WDR1: variants seen among roughly 807,000 people sequenced by gnomAD.
WDR1 encodes the protein WD repeat-containing protein 1.
A neutral mutation model predicts 71.9 loss-of-function variants in WDR1; 21 were observed. The ratio of observed to expected loss-of-function variants is 0.29; its 90% confidence interval spans 0.21 to 0.42. The LOEUF is 0.42. Ranked by LOEUF, WDR1 falls within the 10% of genes least tolerant of loss-of-function variation. The pLI is 1.00. For synonymous variants in WDR1, 424 were observed against 347.4 expected (o/e 1.22, Z -2.45); for missense variants, 696 against 824.5 (o/e 0.84, Z 1.91).
At chr4:10,093,370 T>C (rs752550786) in intron 5 of WDR1, among the ~76,000 whole-genome samples, 13 of 152,214 alleles carry the variant, frequency 8.5e-5, no homozygotes, top group South Asian at 6.2e-4. Flanking sequence ...CCTTGGTCAA[T>C]GGGTGTTCCC....
At chr4:10,113,408 T>C (rs1713512407) in intron 2 of WDR1, among the ~76,000 whole-genome samples, 1 of 152,182 alleles carries the variant, frequency 6.6e-6, no homozygotes, top group South Asian at 2.1e-4. Flanking sequence ...GACTTGCAGC[T>C]ATCTGAGAAA....
intron 12 of WDR1, among the ~76,000 whole-genome samples, chr4:10,078,246 C>A (rs1013045700): frequency 2.0e-5 from 3 of 152,314 alleles, no homozygotes; most frequent in Admixed American, 2.0e-4. Flanking sequence ...CACCCAGCCC[C>A]TAGCATGGAG....
At chr4:10,112,498 C>T (rs1484039251) in intron 2 of WDR1, among the ~76,000 whole-genome samples, 1 of 152,144 alleles carries the variant, frequency 6.6e-6, no homozygotes, top group East Asian at 1.9e-4. Context: ...GGTGAGGCAA[C>T]GAGATGTGTT....
intron 9 of WDR1, 101 bp downstream of exon 9, chr4:10,084,342 G>C: frequency 9.1e-7 from 1 of 1,093,892 alleles, no homozygotes; most frequent in Non-Finnish European, 1.4e-6. Context: ...TGTGGCTGCA[G>C]CTGGAGCCAC....
intron 5 of WDR1, chr4:10,091,858 G>A (rs1330645734): frequency 2.6e-5 from 4 of 152,530 alleles, no homozygotes; most frequent in Non-Finnish European, 5.9e-5. Flanking sequence ...GTTCCCGAGA[G>A]AGCTGCAGGA....
rs758001342 is a variant in WDR1, at chr4:10,084,485, C to T, written c.997G>A (p.Gly333Ser). 1.9e-5 allele frequency: 31 copies of T among 1,613,750 alleles called. No individual in the cohort carries two copies. The highest frequency in any genetic ancestry group is 5.3e-5 in the African/African-American group (4 of 74,896). ...CTCCCAGAGTAAATGTAGGACTTGC[C>T]GCCGTTTTTATGCACCGTCAGACAC... ...IQCLTVHKNGGKSYIYSGSHD... is the reference protein window; with the variant it reads ...IQCLTVHKNGSKSYIYSGSHD... Residue 333 changes from glycine to serine, a missense_variant, in exon 9 of 15, where the codon GGC becomes AGC. By Grantham distance (56) the Gly-to-Ser change is moderately conservative. Transcript: ENST00000499869.
chr4:10,116,432 G>T (rs1381827706), intron 1 of WDR1, 198 bp from the exon 2 acceptor site: 1 of 860,028 alleles, frequency 1.2e-6, no homozygotes, highest in South Asian at 2.0e-5. Context: ...GGGCAGCGGG[G>T]CTCCTCCGGC....
intron 2 of WDR1, among the ~76,000 whole-genome samples, chr4:10,104,439 C>A (rs901996321): frequency 6.6e-6 from 1 of 152,148 alleles, no homozygotes; most frequent in Non-Finnish European, 1.5e-5. Context: ...CCAAACTCAG[C>A]GCCTGGCTGT....
At chr4:10,099,939 G>A (rs1203768640) in intron 3 of WDR1, among the ~76,000 whole-genome samples, 5 of 152,280 alleles carry the variant, frequency 3.3e-5, no homozygotes, top group South Asian at 2.1e-4. Context: ...CGGGGGCCAC[G>A]TACCCCCAAT....
At chr4:10,110,280 T>A (rs1174989947) in intron 2 of WDR1, among the ~76,000 whole-genome samples, 3 of 152,148 alleles carry the variant, frequency 2.0e-5, no homozygotes, top group Non-Finnish European at 4.4e-5. Flanking sequence ...CTTTCCTGTG[T>A]CCACAGCTGT....
intron 13 of WDR1, 145 bp downstream of exon 13, chr4:10,077,608 A>G: frequency 6.9e-7 from 1 of 1,457,420 alleles, no homozygotes. Context: ...CCTCAGAAGC[A>G]TGGCACGAGG....
At position 10,084,646 on chromosome 4, in the gene WDR1, A is replaced by G. The variant is rs894421884; in HGVS notation, c.952-116T>C. 9 of 933,628 alleles carry G rather than the reference A, an allele frequency of 9.6e-6. No homozygotes were observed. In the African/African-American group the frequency reaches 1.5e-4, roughly 15 times the overall value. The allele number at this position is 933,628 out of a possible 1,614,324, so 57.8% of individuals were successfully genotyped here. On this transcript the variant is annotated intron_variant, in intron 8 of 14. Transcript: ENST00000499869. The stretch of plus-strand genomic sequence containing the variant: ...GGAGGGGGCAGACGCCCCTCAATCC[A>G]TGGCAGTGCAGGTGCTCTGAGGCCC...
intron 8 of WDR1, among the ~76,000 whole-genome samples, chr4:10,085,270 C>T (rs543842469): frequency 5.3e-5 from 8 of 152,346 alleles, no homozygotes; most frequent in Middle Eastern, 3.4e-3. Flanking sequence ...AGGGCTTTTC[C>T]GCAGGAATTC....
intron 9 of WDR1, 131 bp from the exon 10 acceptor site, chr4:10,083,309 T>G (rs1352879216): frequency 8.3e-7 from 1 of 1,203,278 alleles, no homozygotes; most frequent in East Asian, 2.6e-5. Context: ...CCATTCCCCC[T>G]GGGAAGCCTG....
intron 3 of WDR1, 97 bp downstream of exon 3, chr4:10,103,791 CTCCCTCCT>C: frequency 2.7e-6 from 1 of 376,032 alleles, no homozygotes; most frequent in Non-Finnish European, 4.7e-6. Flanking sequence ...CACCCCCCAC[CTCCCTCCT>C]CCCACTCTCC....
chr4:10,092,946 C>T, intron 5 of WDR1: 1 of 718,920 alleles, frequency 1.4e-6, no homozygotes, highest in South Asian at 1.4e-5. Flanking sequence ...TCCTGCCTGT[C>T]CTCCCTTGCA....
Position 10,099,066 on chromosome 4 carries a change from G to C in WDR1, c.303C>G (p.Phe101Leu). 2 of 1,611,912 alleles carry C rather than the reference G, an allele frequency of 1.2e-6. No individual in the cohort carries two copies. Among genetic ancestry groups the C allele is most frequent in the Non-Finnish European group, 1.7e-6 (2 of 1,178,878 alleles). ...EHLLKYEYQP[F>L]AGKIKDIAWT... ...AAGCAATGTCTTTGATCTTCCCAGCGAAAGGCTGGTACTCATACTTCAACA... is the reference window on the plus strand; with the variant it reads ...AAGCAATGTCTTTGATCTTCCCAGCCAAAGGCTGGTACTCATACTTCAACA... The change falls in exon 4 of 15, where the codon TTC (phenylalanine) becomes TTG (leucine). Residue 101 changes from phenylalanine to leucine, a missense_variant. By Grantham distance (22) the Phe-to-Leu change is conservative. Transcript: ENST00000499869.
chr4:10,089,412 T>A (rs1394256987), intron 5 of WDR1, among the ~76,000 whole-genome samples: 2 of 152,160 alleles, frequency 1.3e-5, no homozygotes, highest in Non-Finnish European at 2.9e-5. Context: ...GGCCAATAAT[T>A]AACTTTTAAA....
intron 2 of WDR1, among the ~76,000 whole-genome samples, chr4:10,111,335 T>C (rs1368516553): frequency 1.3e-5 from 2 of 152,178 alleles, no homozygotes; most frequent in Non-Finnish European, 1.5e-5. Flanking sequence ...TGGTCCCATC[T>C]GCAGAAGCCC....
Sources: gnomAD v4.1 joint callset for allele counts (sites outside exome capture counted in the v4.1 genomes callset) on GRCh38, gnomAD v4.1.1 for gene constraint, MANE v1.5 for transcripts, NCBI Gene and HGNC (gene_info 2026-07-23, HGNC 2026-07-21) for gene names.